The following RNF152 variants were observed in gnomAD, a reference collection of about 807,000 sequenced individuals.
RNF152 encodes the protein E3 ubiquitin-protein ligase RNF152.
RNF152 carries 11 observed loss-of-function variants against 12.7 expected under a neutral mutation model. The observed-to-expected ratio is 0.86, with a 90% CI of 0.54 to 1.43. RNF152 has a LOEUF of 1.43. Ranked by LOEUF, RNF152 falls within the 40% of genes most tolerant of loss-of-function variation. The pLI, the probability that RNF152 is intolerant of heterozygous loss-of-function variation, is 0.00. For synonymous variants in RNF152, 113 were observed against 120.3 expected, an observed-to-expected ratio of 0.94 and a Z score of 0.40; for missense variants, 255 against 274.8, an observed-to-expected ratio of 0.93 and a Z score of 0.51.
At chr18:61,866,687 A>G (rs4941072) in intron 1 of RNF152, among the ~76,000 whole-genome samples, 11,645 of 152,238 alleles carry the variant, frequency 0.076, 548 homozygotes, top group African/African-American at 0.12. Context: ...GTGCTCCTAC[A>G]GTGACATGTT....
In RNF152 at chr18:61,819,854, C is replaced by G. The variant is rs141787340; in HGVS notation, c.-135-3256G>C. On this transcript the variant is annotated intron_variant, in intron 1 of 1. Coordinates refer to ENST00000312828, the MANE Select transcript of RNF152 (RefSeq NM_173557.3). ...TAGTCAACATAACGAGACTCTGTCT[C>G]TACTAAAAATAAAAAAATTAGCTGG... Among the ~76,000 whole-genome samples the G allele has an allele frequency of 6.9e-4, 104 of 151,440 alleles. 1 individual carries two copies. The East Asian group carries it at 0.019, about 28-fold the overall frequency.
At chr18:61,816,644 G>A (rs1909111478) in intron 1 of RNF152, 46 bp from the exon 2 acceptor site, 5 of 643,350 alleles carry the variant, frequency 7.8e-6, no homozygotes, top group Non-Finnish European at 1.1e-5. Flanking sequence ...TTTCAAAGAA[G>A]TTGAGATGTC....
At position 61,813,776 on chromosome 18, in the gene RNF152, C is replaced by T. The variant is rs1908935111; in HGVS notation, c.*2076G>A. 1 of 152,118 alleles carries T rather than the reference C, an allele frequency of 6.6e-6. No homozygotes were observed. The highest frequency in any genetic ancestry group is 2.4e-5 in the African/African-American group (1 of 41,420). 9.4% of individuals were successfully genotyped at this position (152,118 alleles called of 1,614,324 possible). ...TATTCGAAATGTAGCATTCTTAATG[C>T]AACACTTCTGTGGTGTGTGTGTGTG... On this transcript the variant is annotated 3_prime_UTR_variant, in exon 2 of 2. Coordinates refer to ENST00000312828, the MANE Select transcript of RNF152 (RefSeq NM_173557.3).
At chr18:61,866,806 C>T (rs1015977957) in intron 1 of RNF152, among the ~76,000 whole-genome samples, 1 of 152,216 alleles carries the variant, frequency 6.6e-6, no homozygotes, top group African/African-American at 2.4e-5. Context: ...GCTGTCCCCA[C>T]CGCTGAGCAG....
At chr18:61,821,709 G>A (rs1909421498) in intron 1 of RNF152, among the ~76,000 whole-genome samples, 1 of 152,160 alleles carries the variant, frequency 6.6e-6, no homozygotes, top group Non-Finnish European at 1.5e-5. Context: ...ATAGCAGAAG[G>A]TCAGCAGCTG....
chr18:61,819,209 A>G (rs1909260391), intron 1 of RNF152, among the ~76,000 whole-genome samples: 2 of 152,208 alleles, frequency 1.3e-5, no homozygotes, highest in Non-Finnish European at 2.9e-5. Context: ...TTAAAGAAAT[A>G]AAACTCTCAG....
intron 1 of RNF152, among the ~76,000 whole-genome samples, chr18:61,884,208 G>A (rs1912590151): frequency 1.4e-5 from 2 of 144,426 alleles, no homozygotes; most frequent in African/African-American, 2.6e-5. Flanking sequence ...AACTCAATGA[G>A]GTCGGTTCTC....
chr18:61,857,489 T>TA (rs1911278077), intron 1 of RNF152, among the ~76,000 whole-genome samples: 2 of 152,176 alleles, frequency 1.3e-5, no homozygotes, highest in Admixed American at 6.5e-5. Context: ...TCAAAAGCCA[T>TA]AAAAATGGCT....
At chr18:61,823,236 G>A (rs1909501275) in intron 1 of RNF152, among the ~76,000 whole-genome samples, 1 of 152,204 alleles carries the variant, frequency 6.6e-6, no homozygotes, top group African/African-American at 2.4e-5. Context: ...TTCCTCCTAT[G>A]AGCATCCTGG....
chr18:61,867,674 C>A (rs1230132873), intron 1 of RNF152, among the ~76,000 whole-genome samples: 1 of 152,152 alleles, frequency 6.6e-6, no homozygotes, highest in Non-Finnish European at 1.5e-5. Flanking sequence ...GCTGAACTCT[C>A]CACATCGCCG....
intron 1 of RNF152, among the ~76,000 whole-genome samples, chr18:61,848,854 C>A (rs1367792812): frequency 1.3e-5 from 2 of 152,156 alleles, no homozygotes; most frequent in Non-Finnish European, 2.9e-5. Context: ...GTGGCCTAAC[C>A]CAACATGAAG....
chr18:61,869,779 G>A (rs559420589), intron 1 of RNF152, among the ~76,000 whole-genome samples: 5 of 152,178 alleles, frequency 3.3e-5, no homozygotes, highest in Middle Eastern at 3.4e-3. Context: ...GCACACACCC[G>A]GAAGCTTATC....
chr18:61,856,570 G>A (rs1267679123), intron 1 of RNF152, among the ~76,000 whole-genome samples: 2 of 152,168 alleles, frequency 1.3e-5, no homozygotes, highest in East Asian at 3.8e-4. Context: ...CAGATCCAAG[G>A]ATGGCTATTC....
intron 1 of RNF152, among the ~76,000 whole-genome samples, chr18:61,833,123 T>C (rs1910026564): frequency 6.6e-6 from 1 of 152,202 alleles, no homozygotes; most frequent in Non-Finnish European, 1.5e-5. Context: ...AATTACTATT[T>C]CCTTGCTTTA....
intron 1 of RNF152, among the ~76,000 whole-genome samples, chr18:61,825,147 C>A (rs1909598336): frequency 3.3e-5 from 5 of 152,188 alleles, no homozygotes; most frequent in Admixed American, 3.3e-4. Flanking sequence ...TTATTGTGAA[C>A]TCACCTTGTG....
At chr18:61,888,643 T>C (rs991765163) in intron 1 of RNF152, 2 of 152,186 alleles carry the variant, frequency 1.3e-5, no homozygotes, top group African/African-American at 4.8e-5. Context: ...TTAAATGCAT[T>C]TTCCACTTAC....
intron 1 of RNF152, among the ~76,000 whole-genome samples, chr18:61,831,381 T>G (rs1278227800): frequency 2.0e-5 from 3 of 152,208 alleles, no homozygotes; most frequent in African/African-American, 7.2e-5. Context: ...GCTCTCTAAG[T>G]GGACACATTT....
chr18:61,879,061 T>C (rs1181001929), intron 1 of RNF152, among the ~76,000 whole-genome samples: 3 of 152,108 alleles, frequency 2.0e-5, no homozygotes, highest in African/African-American at 2.4e-5. Context: ...ACAAGTAAAA[T>C]GGGAACAAAG....
At chr18:61,893,264 G>A, upstream of RNF152, 1 of 152,260 alleles carries the variant, frequency 6.6e-6, no homozygotes, top group East Asian at 1.9e-4. Flanking sequence ...AGGTAACCCG[G>A]TCATATGGGA....
Sources: gnomAD v4.1 joint callset for allele counts (sites outside exome capture counted in the v4.1 genomes callset) on GRCh38, gnomAD v4.1.1 for gene constraint, MANE v1.5 for transcripts, NCBI Gene and HGNC (gene_info 2026-07-23, HGNC 2026-07-21) for gene names.